NXPE1: variants seen among roughly 807,000 people sequenced by gnomAD.
The protein encoded by NXPE1 is NXPE family member 1.
NXPE1 carries 31 observed loss-of-function variants against 33.3 expected under a neutral mutation model. That is an observed-to-expected ratio of 0.93 (90% CI 0.70 to 1.26). NXPE1 has a LOEUF of 1.26. Among genes scored for constraint, NXPE1 ranks in the 50% most tolerant of loss-of-function variants. NXPE1 has a pLI of 0.00. For missense variants in NXPE1, 661 were observed against 655.6 expected, an observed-to-expected ratio of 1.01 and a Z score of -0.09; for synonymous variants, 229 against 231.4, an observed-to-expected ratio of 0.99 and a Z score of 0.09.
At chr11:114,552,175 A>G (rs551834058) in intron 2 of NXPE1, 90 bp from the exon 3 acceptor site, 2 of 152,302 alleles carry the variant, frequency 1.3e-5, no homozygotes, top group South Asian at 4.1e-4. Flanking sequence ...ATTTTAAACA[A>G]GATATAGTAC....
At chr11:114,536,294 G>C (rs1294647078) in intron 5 of NXPE1, among the ~76,000 whole-genome samples, 1 of 152,156 alleles carries the variant, frequency 6.6e-6, no homozygotes, top group Non-Finnish European at 1.5e-5. Context: ...TGTGTAGAGG[G>C]AAATTTATAG....
chr11:114,522,493 A>C (rs1947244190), exon 9 of NXPE1: 2 of 1,597,494 alleles, frequency 1.3e-6, no homozygotes, highest in Non-Finnish European at 1.7e-6. Flanking sequence ...GAAGATCAAA[A>C]AACTTCAGTG....
chr11:114,528,281 G>C (rs1267270599), intron 6 of NXPE1, among the ~76,000 whole-genome samples: 1 of 152,146 alleles, frequency 6.6e-6, no homozygotes, highest in African/African-American at 2.4e-5. Flanking sequence ...GCAAGTCTCA[G>C]TTTTATCCCA....
intron 5 of NXPE1, among the ~76,000 whole-genome samples, chr11:114,533,243 G>T (rs544788018): frequency 1.3e-5 from 2 of 152,066 alleles, no homozygotes; most frequent in Non-Finnish European, 2.9e-5. Context: ...GCAAGAAGCC[G>T]AATACAAAAC....
At chr11:114,553,766 G>C in intron 1 of NXPE1, 2 of 985,242 alleles carry the variant, frequency 2.0e-6, no homozygotes, top group Non-Finnish European at 2.4e-6. Flanking sequence ...CTCACTGGTA[G>C]AGGTGAGCTG....
exon 6 of NXPE1, chr11:114,530,547 C>T (rs1947541481): frequency 8.7e-6 from 14 of 1,613,974 alleles, no homozygotes; most frequent in Non-Finnish European, 1.2e-5. Context: ...CATCACCTTT[C>T]CTGAAGCACC....
chr11:114,552,294 T>C (rs1240897604), intron 2 of NXPE1, among the ~76,000 whole-genome samples: 1 of 152,086 alleles, frequency 6.6e-6, no homozygotes, highest in Non-Finnish European at 1.5e-5. Context: ...TGAGACCAAA[T>C]GAATGAATAC....
intron 5 of NXPE1, among the ~76,000 whole-genome samples, 154 bp downstream of exon 5, chr11:114,550,949 A>G (rs1948458876): frequency 6.6e-6 from 1 of 152,136 alleles, no homozygotes; most frequent in African/African-American, 2.4e-5. Context: ...TGGTGTCCAC[A>G]ATGCCTCTAA....
At chr11:114,548,160 G>A (rs1316514570) in intron 5 of NXPE1, among the ~76,000 whole-genome samples, 3 of 152,054 alleles carry the variant, frequency 2.0e-5, no homozygotes, top group East Asian at 1.9e-4. Flanking sequence ...TTTATGCACC[G>A]AGTACAGAGA....
At chr11:114,528,718 T>C (rs1349754056) in intron 6 of NXPE1, 3 of 535,030 alleles carry the variant, frequency 5.6e-6, no homozygotes, top group Non-Finnish European at 1.0e-5. Context: ...TATATGGCCA[T>C]GAAAGTGGAG....
At chr11:114,532,954 T>A (rs1043164639) in intron 5 of NXPE1, among the ~76,000 whole-genome samples, 2 of 152,224 alleles carry the variant, frequency 1.3e-5, no homozygotes, top group African/African-American at 4.8e-5. Flanking sequence ...AAGGATTTGA[T>A]GTATTTCAAC....
At chr11:114,532,532 T>C (rs1381614787) in intron 5 of NXPE1, among the ~76,000 whole-genome samples, 1 of 152,122 alleles carries the variant, frequency 6.6e-6, no homozygotes, top group Non-Finnish European at 1.5e-5. Flanking sequence ...AGTCACAGGC[T>C]GAGATGCTTT....
At chr11:114,531,277 A>G (rs182708275) in intron 5 of NXPE1, among the ~76,000 whole-genome samples, 1 of 152,290 alleles carries the variant, frequency 6.6e-6, no homozygotes, top group Non-Finnish European at 1.5e-5. Context: ...TAAACTGGTG[A>G]TGATAAGTTT....
chr11:114,537,996 G>A (rs1385876509), intron 5 of NXPE1, among the ~76,000 whole-genome samples: 1 of 152,160 alleles, frequency 6.6e-6, no homozygotes, highest in Non-Finnish European at 1.5e-5. Flanking sequence ...AAAGAACAAA[G>A]CTGGAGGCAT....
intron 5 of NXPE1, among the ~76,000 whole-genome samples, chr11:114,538,967 A>G (rs1947966399): frequency 1.3e-5 from 2 of 151,786 alleles, no homozygotes. Flanking sequence ...TCATGCTGCT[A>G]TAAAGACACA....
rs1158149609 is a variant in NXPE1 at position 114,523,095 on chromosome 11, G to A, written c.896-4C>T. Reference sequence around the variant, plus strand: ...GTCTCTTCTATTTTTTCTCTCTCTGGTAACAAAGACACTCGTAAATGATTT... The same window carrying A: ...GTCTCTTCTATTTTTTCTCTCTCTGATAACAAAGACACTCGTAAATGATTT... On this transcript the variant is annotated splice_region_variant and splice_polypyrimidine_tract_variant and intron_variant, in intron 7 of 8. Coordinates refer to ENST00000534921, the Ensembl canonical transcript of NXPE1. The A allele has an allele frequency of 2.5e-6, 4 of 1,603,940 alleles. No individual in the cohort carries two copies. The South Asian group carries it at 3.3e-5, about 13-fold the overall frequency.
exon 1 of NXPE1, chr11:114,559,837 T>A (rs1253976990): frequency 6.6e-6 from 1 of 152,414 alleles, no homozygotes; most frequent in Non-Finnish European, 1.5e-5. Flanking sequence ...GCTGGAAAAG[T>A]ACCTGTGAGT....
intron 5 of NXPE1, among the ~76,000 whole-genome samples, chr11:114,546,796 C>T (rs766025217): frequency 3.3e-5 from 5 of 151,946 alleles, no homozygotes; most frequent in Non-Finnish European, 5.9e-5. Context: ...CTTGTAGTGT[C>T]GGAAAGCAAG....
chr11:114,521,012 C>A (rs1947198856), downstream of NXPE1, among the ~76,000 whole-genome samples: 1 of 152,144 alleles, frequency 6.6e-6, no homozygotes, highest in African/African-American at 2.4e-5. Context: ...TAAAAAAGTT[C>A]ATTCACTGAT....
Sources: gnomAD v4.1 joint callset for allele counts (sites outside exome capture counted in the v4.1 genomes callset) on GRCh38, gnomAD v4.1.1 for gene constraint, MANE v1.5 for transcripts, NCBI Gene and HGNC (gene_info 2026-07-23, HGNC 2026-07-21) for gene names.